The following SMYD3 variants were observed in gnomAD, a reference collection of about 807,000 sequenced individuals.
SMYD3 encodes histone-lysine N-methyltransferase SMYD3.
SMYD3 carries 36 observed loss-of-function variants against 57.7 expected under a neutral mutation model. The ratio of observed to expected loss-of-function variants is 0.62; its 90% CI spans 0.48 to 0.82. The LOEUF is 0.82. SMYD3 is among the 40% of genes least tolerant of loss of function. SMYD3 has a pLI of 0.00. For missense variants in SMYD3, 515 were observed against 538.8 expected (o/e 0.96, Z 0.44); for synonymous variants, 211 against 195.0 (o/e 1.08, Z -0.68).
intron 8 of SMYD3, among the ~76,000 whole-genome samples, chr1:245,868,744 C>T (rs1199614297): frequency 6.6e-6 from 1 of 152,262 alleles, no homozygotes; most frequent in East Asian, 1.9e-4. Context: ...CTGGAGTGTT[C>T]CACTACGGTA....
chr1:246,258,777 T>C lies in SMYD3; in HGVS notation c.531+68424A>G, dbSNP rs538268749. 4.6e-5 allele frequency among the ~76,000 whole-genome samples: 7 copies of C among 152,200 alleles called. No homozygotes were observed. In the East Asian group the frequency reaches 1.4e-3, roughly 30 times the overall value. ...TGGATGTCTACCTCTCTAGCAAGCT[T>C]AGGGAAATTTTCTTTAATTCCTCAA... On this transcript the variant is annotated intron_variant, in intron 5 of 11. Coordinates refer to ENST00000490107, the MANE Select transcript of SMYD3 (RefSeq NM_001167740.2).
At chr1:245,852,003 A>G (rs1025995317) in intron 10 of SMYD3, among the ~76,000 whole-genome samples, 1 of 152,200 alleles carries the variant, frequency 6.6e-6, no homozygotes, top group Non-Finnish European at 1.5e-5. Context: ...GCAGCACCCA[A>G]TCATTTTGTT....
intron 5 of SMYD3, among the ~76,000 whole-genome samples, chr1:245,993,491 T>C (rs2058849403): frequency 6.6e-6 from 1 of 151,978 alleles, no homozygotes; most frequent in Non-Finnish European, 1.5e-5. Context: ...TCGCAGCTAC[T>C]AGAGAGGCTG....
At chr1:245,982,399 T>A (rs1354925610) in intron 5 of SMYD3, among the ~76,000 whole-genome samples, 1 of 152,210 alleles carries the variant, frequency 6.6e-6, no homozygotes, top group Admixed American at 6.5e-5. Flanking sequence ...AGTGCTGGGA[T>A]TACAGATGTC....
chr1:245,822,060 G>T (rs1440485689), intron 10 of SMYD3, among the ~76,000 whole-genome samples: 1 of 152,076 alleles, frequency 6.6e-6, no homozygotes, highest in Non-Finnish European at 1.5e-5. Context: ...TATACCCAAA[G>T]GATTATAAAT....
At chr1:245,776,910 A>G (rs1428498001) in intron 10 of SMYD3, among the ~76,000 whole-genome samples, 1 of 152,214 alleles carries the variant, frequency 6.6e-6, no homozygotes, top group African/African-American at 2.4e-5. Flanking sequence ...ATTCATTTAC[A>G]TATTGTCCAC....
chr1:246,005,198 A>G (rs1372866131), intron 5 of SMYD3, among the ~76,000 whole-genome samples: 2 of 152,236 alleles, frequency 1.3e-5, no homozygotes, highest in Admixed American at 6.5e-5. Flanking sequence ...TGTTGGTTAC[A>G]AAGAAAAACC....
Position 246,362,789 on chromosome 1 carries a change from A to G in SMYD3, c.165-7695T>C, listed in dbSNP as rs554699598. Among the ~76,000 whole-genome samples, 9 of 152,326 alleles carry G rather than the reference A, an allele frequency of 5.9e-5. No homozygotes were observed. In the South Asian group the frequency reaches 1.9e-3, roughly 32 times the overall value. On this transcript the variant is annotated intron_variant, in intron 1 of 11. Transcript: ENST00000490107. ...GTCAATGGTGCCCAGGCTGGAGTGC[A>G]GTGGCGTGATCTCGGCTCGCTACAA...
intron 5 of SMYD3, among the ~76,000 whole-genome samples, chr1:246,088,619 A>G (rs2060768981): frequency 6.6e-6 from 1 of 152,008 alleles, no homozygotes; most frequent in Admixed American, 6.6e-5. Flanking sequence ...CAAAGAAAAA[A>G]AAAAGTTAAG....
chr1:246,072,806 CTT>C (rs35806784), intron 5 of SMYD3, among the ~76,000 whole-genome samples: 42,853 of 151,912 alleles, frequency 0.28, 6,569 homozygotes, highest in East Asian at 0.39. Context: ...ATGAGACAGA[CTT>C]TTCTTCTGCC....
At chr1:246,425,611 T>C (rs1295381791) in intron 1 of SMYD3, among the ~76,000 whole-genome samples, 1 of 152,158 alleles carries the variant, frequency 6.6e-6, no homozygotes, top group Non-Finnish European at 1.5e-5. Flanking sequence ...AAGATAACTA[T>C]GAGGTAGATT....
intron 5 of SMYD3, among the ~76,000 whole-genome samples, chr1:246,244,056 A>G (rs755208277): frequency 1.3e-5 from 2 of 151,710 alleles, no homozygotes; most frequent in Non-Finnish European, 2.9e-5. Context: ...ACTCATATAT[A>G]TATATGAGTT....
chr1:246,279,169 G>A (rs1312979799), intron 5 of SMYD3, among the ~76,000 whole-genome samples: 1 of 152,166 alleles, frequency 6.6e-6, no homozygotes, highest in Non-Finnish European at 1.5e-5. Flanking sequence ...TTGGCTCTAA[G>A]TGGCCCCAGT....
intron 5 of SMYD3, among the ~76,000 whole-genome samples, chr1:246,063,377 T>A (rs2060286237): frequency 6.6e-6 from 1 of 152,178 alleles, no homozygotes; most frequent in Admixed American, 6.5e-5. Flanking sequence ...TTTGGACTCC[T>A]GGAAGGACAG....
rs1400920827 is a variant in SMYD3 at position 246,355,531 on chromosome 1, C to T, written c.165-437G>A. Among the ~76,000 whole-genome samples the T allele has an allele frequency of 6.6e-6, 1 of 152,174 alleles. No homozygotes were observed. Among genetic ancestry groups the T allele is most frequent in the Non-Finnish European group, 1.5e-5 (1 of 68,038 alleles). ...GCTGCCTGCTTGCTCAGCAGGGAGG[C>T]TGGCGGTCTGGGGCAAGTTCTCAGC... On this transcript the variant is annotated intron_variant, in intron 1 of 11. Transcript: ENST00000490107. The surrounding 1 kb of genome is among the most constrained non-coding windows in gnomAD (Gnocchi z 5.0).
At chr1:246,227,854 C>T (rs949480274) in intron 5 of SMYD3, among the ~76,000 whole-genome samples, 3 of 151,878 alleles carry the variant, frequency 2.0e-5, no homozygotes, top group African/African-American at 4.8e-5. Context: ...AAGGTCTCAC[C>T]GATCTCTAAA....
At chr1:245,871,523 T>C (rs938282696) in intron 8 of SMYD3, among the ~76,000 whole-genome samples, 1 of 152,200 alleles carries the variant, frequency 6.6e-6, no homozygotes, top group Non-Finnish European at 1.5e-5. Context: ...GAAGGAATGT[T>C]CTCAGGTTGA....
intron 8 of SMYD3, among the ~76,000 whole-genome samples, chr1:245,912,257 T>C (rs922424844): frequency 7.2e-5 from 11 of 152,002 alleles, no homozygotes; most frequent in Admixed American, 5.9e-4. Context: ...CCATTTACAC[T>C]AGCTACCCAC....
At chr1:245,912,859 A>G (rs891528532) in intron 8 of SMYD3, among the ~76,000 whole-genome samples, 1 of 152,334 alleles carries the variant, frequency 6.6e-6, no homozygotes, top group Non-Finnish European at 1.5e-5. Context: ...ATCAACCAAA[A>G]TTAATTAACT....
Sources: allele counts gnomAD v4.1 joint callset (sites outside exome capture counted in the v4.1 genomes callset), GRCh38; gene constraint gnomAD v4.1.1; non-coding constraint Gnocchi (gnomAD v3.1); transcripts MANE v1.5; gene names NCBI Gene and HGNC (gene_info 2026-07-23, HGNC 2026-07-21).